Variants in PPP1R12B observed in about 807,000 individuals in gnomAD.
The protein encoded by PPP1R12B is protein phosphatase 1 regulatory subunit 12B, also known as myosin phosphatase target subunit 2.
In PPP1R12B, 76 loss-of-function variants were observed where a neutral mutation model predicts 126.1. That is an observed-to-expected ratio of 0.60 (90% CI 0.50 to 0.73). PPP1R12B has a LOEUF of 0.73. Ranked by LOEUF, PPP1R12B falls within the 30% of genes least tolerant of loss-of-function variation. The pLI is 0.00. For synonymous variants in PPP1R12B, 356 were observed against 434.7 expected, an observed-to-expected ratio of 0.82 and a Z score of 2.25; for missense variants, 1,052 against 1,205.1, an observed-to-expected ratio of 0.87 and a Z score of 1.88.
At chr1:202,536,354 G>T (rs1684527498) in intron 18 of PPP1R12B, among the ~76,000 whole-genome samples, 1 of 152,174 alleles carries the variant, frequency 6.6e-6, no homozygotes, top group African/African-American at 2.4e-5. Flanking sequence ...ATATTGTAGA[G>T]CTGGAACATG....
intron 18 of PPP1R12B, chr1:202,540,234 C>T (rs200935598): frequency 8.0e-5 from 128 of 1,599,106 alleles, no homozygotes; most frequent in African/African-American, 2.9e-4. Context: ...ACTGCCAAGA[C>T]GCTCCGAGTA....
rs1213499747 is a variant in PPP1R12B at position 202,508,793 on chromosome 1, G to A, written c.2490+11971G>A. Among the ~76,000 whole-genome samples the A allele has an allele frequency of 1.3e-5, 2 of 152,242 alleles. No homozygotes were observed. The stretch of plus-strand genomic sequence containing the variant: ...TCTGAGGCTGATAGGGAAAGCAGAT[G>A]TTTATACCTATTCTCCGGCAGAACA... On this transcript the variant is annotated intron_variant, in intron 18 of 23. Coordinates refer to ENST00000608999, the MANE Select transcript of PPP1R12B (RefSeq NM_002481.4). The surrounding 1 kb of genome is among the most constrained non-coding windows in gnomAD (Gnocchi z 4.5).
chr1:202,584,733 C>T lies in PPP1R12B; in HGVS notation c.*4173C>T, dbSNP rs1689721548. 6.6e-6 allele frequency: 1 copy of T among 152,192 alleles called. No individual in the cohort carries two copies. Among genetic ancestry groups the T allele is most frequent in the East Asian group, 1.9e-4 (1 of 5,198 alleles). The allele number at this position is 152,192 out of a possible 1,614,324, so 9.4% of individuals were successfully genotyped here. A position where few individuals can be genotyped will look rare whatever the true frequency, so the allele number is the denominator to read the frequency against. ...TGCCAGTTATTCAGCTTCCAGGCGG[C>T]TTTGCACCTCCAAAGGTGCAAAAAG... On this transcript the variant is annotated 3_prime_UTR_variant, in exon 24 of 24. Transcript: ENST00000608999.
At chr1:202,441,065 C>T (rs1051291926) in intron 11 of PPP1R12B, among the ~76,000 whole-genome samples, 1 of 152,202 alleles carries the variant, frequency 6.6e-6, no homozygotes, top group Non-Finnish European at 1.5e-5. Flanking sequence ...CCAGCAGGCT[C>T]TGTAAAGGTA....
chr1:202,440,392 G>A (rs1671454120), intron 10 of PPP1R12B, among the ~76,000 whole-genome samples: 1 of 152,160 alleles, frequency 6.6e-6, no homozygotes, highest in African/African-American at 2.4e-5. Context: ...GGAGCTTTCT[G>A]TTTGTGTCTT....
At chr1:202,502,522 G>A (rs750826084) in intron 18 of PPP1R12B, 4 of 926,104 alleles carry the variant, frequency 4.3e-6, no homozygotes, top group African/African-American at 1.8e-5. Flanking sequence ...TTTAAGCGCC[G>A]ATTATGATCA....
chr1:202,522,717 AG>A lies in PPP1R12B; in HGVS notation c.2490+25897del, dbSNP rs1370549945. Among the ~76,000 whole-genome samples, 18 of 152,264 alleles carry A rather than the reference AG, an allele frequency of 1.2e-4. No individual in the cohort carries two copies. In the East Asian group the frequency reaches 2.5e-3, roughly 21 times the overall value. On this transcript the variant is annotated intron_variant, in intron 18 of 23. Coordinates refer to ENST00000608999, the MANE Select transcript of PPP1R12B (RefSeq NM_002481.4). ...AGATAAAAAAATACAAGTATAAGAC[AG>A]GAAAAATTTTCTCTTGGTTACCACC...
intron 18 of PPP1R12B, among the ~76,000 whole-genome samples, chr1:202,548,377 T>C (rs1307568132): frequency 3.3e-5 from 5 of 152,164 alleles, no homozygotes; most frequent in Admixed American, 6.5e-5. Context: ...TTTGTTTTTT[T>C]TGAGACAGGA....
chr1:202,356,332 G>A (rs1212272833), intron 1 of PPP1R12B, among the ~76,000 whole-genome samples: 4 of 152,108 alleles, frequency 2.6e-5, no homozygotes, highest in African/African-American at 9.7e-5. Flanking sequence ...AGTAATGAGT[G>A]TGAAAGAGGA....
chr1:202,435,117 G>A (rs1172221942), intron 9 of PPP1R12B, among the ~76,000 whole-genome samples: 1 of 152,092 alleles, frequency 6.6e-6, no homozygotes, highest in African/African-American at 2.4e-5. Flanking sequence ...AGCCCTATCA[G>A]ATTAGGGCCC....
chr1:202,426,390 A>G (rs1669511007), intron 4 of PPP1R12B, among the ~76,000 whole-genome samples: 1 of 152,122 alleles, frequency 6.6e-6, no homozygotes, highest in South Asian at 2.1e-4. Context: ...TGATAGCGCT[A>G]TCCATAAGGG....
At chr1:202,538,410 A>G (rs909868752) in intron 18 of PPP1R12B, among the ~76,000 whole-genome samples, 4 of 152,220 alleles carry the variant, frequency 2.6e-5, no homozygotes, top group South Asian at 4.1e-4. Context: ...TTCATTCTCA[A>G]TCTAAAAGAA....
chr1:202,369,413 T>C (rs553655654), intron 1 of PPP1R12B: 1 of 152,490 alleles, frequency 6.6e-6, no homozygotes, highest in African/African-American at 2.4e-5. Flanking sequence ...GAGTCTTAAT[T>C]AAATCAGGAC....
chr1:202,513,380 A>G (rs947942886), intron 18 of PPP1R12B, among the ~76,000 whole-genome samples: 3 of 152,232 alleles, frequency 2.0e-5, no homozygotes, highest in African/African-American at 4.8e-5. Flanking sequence ...TGATGACTGC[A>G]TAGATAATAT....
At chr1:202,366,187 C>A (rs973817537) in intron 1 of PPP1R12B, among the ~76,000 whole-genome samples, 2 of 152,186 alleles carry the variant, frequency 1.3e-5, no homozygotes, top group East Asian at 1.9e-4. Context: ...TTGTGTAAGA[C>A]CCCTGGTAAA....
intron 1 of PPP1R12B, among the ~76,000 whole-genome samples, chr1:202,393,404 C>G (rs1222078320): frequency 6.9e-6 from 1 of 145,564 alleles, no homozygotes; most frequent in African/African-American, 2.5e-5. Context: ...TTTTTTTTTT[C>G]AGTTCTTTAA....
Position 202,495,450 on chromosome 1 carries a change from A to T in PPP1R12B, c.2303A>T (p.Asn768Ile), listed in dbSNP as rs768445141. 1.9e-6 allele frequency: 3 copies of T among 1,608,062 alleles called. No individual in the cohort carries two copies. Among genetic ancestry groups the T allele is most frequent in the Non-Finnish European group, 1.7e-6 (2 of 1,177,162 alleles). Residue 768 changes from asparagine (N) to isoleucine (I), a missense_variant, in exon 16 of 24, where the codon AAC becomes ATC. Asn to Ile is a moderately radical substitution (Grantham distance 149). Transcript: ENST00000608999. ...TCTGAGAGTTCAGAGACTACCACAA[A>T]CACTACAACTGCAAAGGAAATGGAC... ...PDSESSETTT[N>I]TTTAKEMDKN...
At chr1:202,401,317 G>A (rs1665796959) in intron 1 of PPP1R12B, among the ~76,000 whole-genome samples, 1 of 145,934 alleles carries the variant, frequency 6.9e-6, no homozygotes, top group South Asian at 2.2e-4. Flanking sequence ...AGCCTCCCGA[G>A]TAGCTAGGAC....
chr1:202,497,159 G>T (rs1456255575), intron 18 of PPP1R12B, among the ~76,000 whole-genome samples: 2 of 152,206 alleles, frequency 1.3e-5, no homozygotes, highest in Non-Finnish European at 2.9e-5. Flanking sequence ...AGTGATACCA[G>T]TTCCTTTTTG....
Sources: allele counts gnomAD v4.1 joint callset (sites outside exome capture counted in the v4.1 genomes callset), GRCh38; gene constraint gnomAD v4.1.1; non-coding constraint Gnocchi (gnomAD v3.1); transcripts MANE v1.5; gene names NCBI Gene and HGNC (gene_info 2026-07-23, HGNC 2026-07-21).